Variants in MAP7D2 observed in about 807,000 individuals in gnomAD.
MAP7D2 encodes the protein MAP7 domain containing 2.
Under a neutral mutation model 63.5 loss-of-function variants are expected in MAP7D2, and 33 were observed. That is an observed-to-expected ratio of 0.52 (90% CI 0.39 to 0.70). The LOEUF (loss-of-function observed/expected upper bound fraction) is 0.70, where lower values mean the gene tolerates loss of function less well. MAP7D2 is among the 30% of genes least tolerant of loss of function. The pLI is 0.00. For missense variants in MAP7D2, 626 were observed against 604.0 expected (o/e 1.04, Z -0.38); for synonymous variants, 224 against 223.7 (o/e 1.00, Z -0.01).
At chrX:20,090,685 G>A (rs1488211035) in intron 1 of MAP7D2, among the ~76,000 whole-genome samples, 1 of 112,680 alleles carries the variant, frequency 8.9e-6, no homozygotes, top group Non-Finnish European at 1.9e-5. Context: ...ATCCCGCCCT[G>A]AGGGATTTAC....
In MAP7D2 at chrX:20,008,175, T is replaced by C. The variant is rs1260578445; in HGVS notation, c.*250A>G. 3.6e-5 allele frequency: 4 copies of C among 112,330 alleles called. No individual in the cohort carries two copies. Among genetic ancestry groups the C allele is most frequent in the African/African-American group, 1.3e-4 (4 of 30,879 alleles). The allele number at this position is 112,330 out of a possible 1,213,427, so 9.3% of individuals were successfully genotyped here. On this transcript the variant is annotated 3_prime_UTR_variant, in exon 17 of 17. Coordinates refer to ENST00000379643, the MANE Select transcript of MAP7D2 (RefSeq NM_001168465.2). ...GTTCAGGAAGTGCTTTATCAGTAGC[T>C]GAAGCTCATAAACAGAACTGTAAAA...
chrX:20,065,327 C>T lies in MAP7D2; in HGVS notation c.131-522G>A, dbSNP rs768339128. Reference sequence around the variant, plus strand: ...TGTCGCCTGGGCTGGAATGCGGTGGCGCGACCTTGGCTCACTGCAACCTCT... The same window carrying T: ...TGTCGCCTGGGCTGGAATGCGGTGGTGCGACCTTGGCTCACTGCAACCTCT... On this transcript the variant is annotated intron_variant, in intron 1 of 16. Transcript: ENST00000379643. Among the ~76,000 whole-genome samples, 4 of 100,729 alleles carry T rather than the reference C, an allele frequency of 4.0e-5. No homozygotes were observed. The East Asian group carries it at 9.4e-4, about 24-fold the overall frequency. The allele number at this position is 100,729 out of a possible 115,157, so 87.5% of individuals were successfully genotyped here.
At chrX:20,040,757 T>G (rs781109186) in intron 8 of MAP7D2, among the ~76,000 whole-genome samples, 9 of 111,204 alleles carry the variant, frequency 8.1e-5, no homozygotes, top group Non-Finnish European at 1.7e-4. Flanking sequence ...AACAGTAACA[T>G]CAAAGATCAT....
At chrX:20,083,052 T>C (rs1168649294) in intron 1 of MAP7D2, among the ~76,000 whole-genome samples, 1 of 112,167 alleles carries the variant, frequency 8.9e-6, no homozygotes, top group Non-Finnish European at 1.9e-5. Flanking sequence ...TCAATTAAAT[T>C]TACCTCTATC....
chrX:20,082,787 C>T (rs1401103656), intron 1 of MAP7D2, among the ~76,000 whole-genome samples: 2 of 111,716 alleles, frequency 1.8e-5, no homozygotes, highest in East Asian at 5.6e-4. Context: ...CACCACCACA[C>T]CCGGCTAATG....
chrX:20,068,750 T>C (rs892422178), intron 1 of MAP7D2, among the ~76,000 whole-genome samples: 3 of 112,069 alleles, frequency 2.7e-5, no homozygotes, highest in Non-Finnish European at 3.8e-5. Context: ...TTGATATGGT[T>C]TGGCTCTGTG....
At chrX:20,063,195 A>G (rs1438824631) in intron 3 of MAP7D2, among the ~76,000 whole-genome samples, 2 of 112,361 alleles carry the variant, frequency 1.8e-5, no homozygotes, top group South Asian at 7.4e-4. Context: ...AAGATCACAC[A>G]GCAAATTAAC....
At chrX:20,025,327 G>A (rs2073801227) in intron 9 of MAP7D2, among the ~76,000 whole-genome samples, 1 of 112,113 alleles carries the variant, frequency 8.9e-6, no homozygotes, top group South Asian at 3.7e-4. Context: ...AAGGTCACTA[G>A]CAAGTGCCAC....
intron 10 of MAP7D2, among the ~76,000 whole-genome samples, chrX:20,019,104 G>A (rs1393120981): frequency 1.8e-5 from 2 of 109,409 alleles, no homozygotes; most frequent in African/African-American, 6.7e-5. Flanking sequence ...ACAGCTTACT[G>A]CAGCCCCAAC....
At chrX:20,100,198 T>C (rs772988730) in intron 1 of MAP7D2, among the ~76,000 whole-genome samples, 17 of 112,283 alleles carry the variant, frequency 1.5e-4, no homozygotes. Flanking sequence ...TACATATTCA[T>C]AATATAATGC....
intron 10 of MAP7D2, among the ~76,000 whole-genome samples, chrX:20,017,474 T>A (rs2073439744): frequency 8.9e-6 from 1 of 112,460 alleles, no homozygotes; most frequent in Admixed American, 9.4e-5. Flanking sequence ...ATCCTAATGG[T>A]CAGCTTCAGA....
intron 8 of MAP7D2, among the ~76,000 whole-genome samples, chrX:20,034,875 T>A (rs914195942): frequency 1.8e-5 from 2 of 111,627 alleles, no homozygotes; most frequent in African/African-American, 6.5e-5. Context: ...CATAGCAGTC[T>A]AGCAGGAGAT....
intron 15 of MAP7D2, among the ~76,000 whole-genome samples, chrX:20,011,407 A>G (rs2073197150): frequency 8.9e-6 from 1 of 112,499 alleles, no homozygotes; most frequent in African/African-American, 3.2e-5. Flanking sequence ...TCAGACAGAA[A>G]GCCAATGCCA....
At chrX:20,047,648 CA>C (rs113884587) in intron 6 of MAP7D2, among the ~76,000 whole-genome samples, 23,612 of 59,377 alleles carry the variant, frequency 0.4, 3,890 homozygotes, top group African/African-American at 0.62. Context: ...CCTATCTCTA[CA>C]AAAAAAAAAA....
chrX:20,010,899 T>C lies in MAP7D2; in HGVS notation c.2226A>G (p.Arg742=), dbSNP rs778444599. The change falls in exon 16 of 17, where the codon AGA becomes AGG. Residue 742 remains arginine (R), a synonymous_variant. Transcript: ENST00000379643. ...DFTGPPTFPK[R]SSENLSLDDC... Reference sequence around the variant, plus strand: ...CGTCCAGGCTGAGATTTTCACTGGATCTCTTGGGGAATGTCGGGGGACCAG... The same window carrying C: ...CGTCCAGGCTGAGATTTTCACTGGACCTCTTGGGGAATGTCGGGGGACCAG... 6 of 1,211,304 alleles carry C rather than the reference T, an allele frequency of 5.0e-6. No homozygotes were observed. The highest frequency in any genetic ancestry group is 3.0e-5 in the East Asian group (1 of 33,837).
At chrX:20,077,017 C>G (rs1293109886) in intron 1 of MAP7D2, among the ~76,000 whole-genome samples, 1 of 112,870 alleles carries the variant, frequency 8.9e-6, no homozygotes, top group Admixed American at 9.4e-5. Context: ...CCAAACAATA[C>G]AAAGTGCATA....
chrX:20,078,186 C>T (rs1374460356), intron 1 of MAP7D2, among the ~76,000 whole-genome samples: 2 of 112,199 alleles, frequency 1.8e-5, no homozygotes, highest in Non-Finnish European at 3.8e-5. Flanking sequence ...GGACTGTACA[C>T]GTATTTGTGG....
At chrX:20,107,772 T>A (rs1300489444) in intron 1 of MAP7D2, among the ~76,000 whole-genome samples, 6 of 111,888 alleles carry the variant, frequency 5.4e-5, no homozygotes, top group Non-Finnish European at 1.1e-4. Flanking sequence ...TTTTTATTTT[T>A]AAAATTTTTT....
intron 1 of MAP7D2, among the ~76,000 whole-genome samples, chrX:20,081,413 T>C (rs1307932002): frequency 8.9e-6 from 1 of 112,026 alleles, no homozygotes; most frequent in Non-Finnish European, 1.9e-5. Context: ...GTCCCTACCA[T>C]AGGACAAGCT....
Sources: allele counts gnomAD v4.1 joint callset (sites outside exome capture counted in the v4.1 genomes callset), GRCh38; gene constraint gnomAD v4.1.1; transcripts MANE v1.5; gene names NCBI Gene and HGNC (gene_info 2026-07-23, HGNC 2026-07-21).